The following ZBTB7C variants were observed in gnomAD, a reference collection of about 807,000 sequenced individuals.
ZBTB7C encodes zinc finger and BTB domain-containing protein 7C.
Under a neutral mutation model 25.7 loss-of-function variants are expected in ZBTB7C, and 8 were observed. The observed-to-expected ratio is 0.31, with a 90% confidence interval of 0.18 to 0.56. ZBTB7C has a LOEUF of 0.56. Among genes scored for constraint, ZBTB7C ranks in the 20% least tolerant of loss-of-function variants. The probability of loss-of-function intolerance (pLI) is 0.91; values close to 1 mark genes in which losing one functional copy is unlikely to be tolerated. For missense variants in ZBTB7C, 824 were observed against 855.2 expected (o/e 0.96, Z 0.46); for synonymous variants, 394 against 369.0 (o/e 1.07, Z -0.78).
chr18:48,267,947 C>T (rs1032759165), intron 2 of ZBTB7C, among the ~76,000 whole-genome samples: 9 of 152,158 alleles, frequency 5.9e-5, no homozygotes, highest in African/African-American at 2.2e-4. Flanking sequence ...GTGATAGCAG[C>T]CCAAATGGAC....
At chr18:48,213,114 T>C (rs1261979480) in intron 2 of ZBTB7C, among the ~76,000 whole-genome samples, 1 of 151,640 alleles carries the variant, frequency 6.6e-6, no homozygotes, top group South Asian at 2.1e-4. Flanking sequence ...GGAGCTCTCA[T>C]AGTGGGAGCA....
chr18:48,146,361 TAAATAAACTACTGAAACATTAATTA>T (rs2040497245), intron 3 of ZBTB7C, among the ~76,000 whole-genome samples: 1 of 152,248 alleles, frequency 6.6e-6, no homozygotes, highest in African/African-American at 2.4e-5. Context: ...AGACCATTTC[TAAATAAACTACTGAAACATTAATTA>T]CTAAGCTTAA....
At chr18:48,391,663 T>G (rs2047905851) in intron 1 of ZBTB7C, among the ~76,000 whole-genome samples, 1 of 152,220 alleles carries the variant, frequency 6.6e-6, no homozygotes, top group South Asian at 2.1e-4. Context: ...GTTTTCAAAC[T>G]TGAGAGTTTA....
chr18:48,255,982 AG>A lies in ZBTB7C; in HGVS notation c.-78-69988del, dbSNP rs1262592831. ...CACATAGAGAAAAAAGAATTGTAAA[AG>A]TGTACAGAGCAAAAGTGCACTGTGG... On this transcript the variant is annotated intron_variant, in intron 2 of 4. Transcript: ENST00000590800. 6.6e-5 allele frequency among the ~76,000 whole-genome samples: 10 copies of A among 152,304 alleles called. No homozygotes were observed. In the East Asian group the frequency reaches 1.9e-3, roughly 29 times the overall value.
At chr18:48,128,497 A>G (rs1240048189) in intron 3 of ZBTB7C, among the ~76,000 whole-genome samples, 1 of 152,278 alleles carries the variant, frequency 6.6e-6, no homozygotes, top group African/African-American at 2.4e-5. Context: ...AATGTGGCAT[A>G]CATACACCAT....
At chr18:48,321,065 C>CATAAATAT (rs1420357452) in intron 2 of ZBTB7C, among the ~76,000 whole-genome samples, 1 of 152,256 alleles carries the variant, frequency 6.6e-6, no homozygotes, top group Admixed American at 6.5e-5. Context: ...TAGAGAAATT[C>CATAAATAT]ATAAATTATT....
At chr18:48,398,303 T>C (rs1042266964) in intron 1 of ZBTB7C, among the ~76,000 whole-genome samples, 3 of 152,198 alleles carry the variant, frequency 2.0e-5, no homozygotes, top group African/African-American at 7.2e-5. Context: ...TGCGAAGGGA[T>C]TGGCCTGAGA....
intron 3 of ZBTB7C, chr18:48,149,953 G>A (rs765233355): frequency 2.4e-4 from 36 of 151,848 alleles, no homozygotes; most frequent in East Asian, 3.9e-4. Context: ...ACAGGCACGC[G>A]CCACCACACA....
At chr18:48,357,562 C>T (rs1358239301) in intron 1 of ZBTB7C, among the ~76,000 whole-genome samples, 1 of 152,230 alleles carries the variant, frequency 6.6e-6, no homozygotes, top group African/African-American at 2.4e-5. Context: ...CAGTGTAGGA[C>T]TCCTCAATTT....
rs142658761 is a variant in ZBTB7C, at chr18:48,320,511, A to C, written c.-79+17663T>G. Reference sequence around the variant, plus strand: ...AGGCTATTGTGCTAATCCAGGTGAGAGGTGACGGCTGCCAGCACCTGAGAG... The same window carrying C: ...AGGCTATTGTGCTAATCCAGGTGAGCGGTGACGGCTGCCAGCACCTGAGAG... On this transcript the variant is annotated intron_variant, in intron 2 of 4. Coordinates refer to ENST00000590800, the MANE Select transcript of ZBTB7C (RefSeq NM_001318841.2). 2.9e-3 allele frequency among the ~76,000 whole-genome samples: 447 copies of C among 152,256 alleles called. 2 individuals are homozygous for C. The highest frequency in any genetic ancestry group is 0.01 in the African/African-American group (430 of 41,558).
At position 48,292,666 on chromosome 18, in the gene ZBTB7C, G is replaced by A. The variant is rs879084619; in HGVS notation, c.-79+45508C>T. Among the ~76,000 whole-genome samples, 5 of 152,200 alleles carry A rather than the reference G, an allele frequency of 3.3e-5. 1 individual carries two copies. The highest frequency in any genetic ancestry group is 3.3e-4 in the Admixed American group (5 of 15,284). The stretch of plus-strand genomic sequence containing the variant: ...GGCAGAAACTGAAAACTGGATGAAA[G>A]ACTGAGGATCAAGCTTTAAACTGGG... On this transcript the variant is annotated intron_variant, in intron 2 of 4. Coordinates refer to ENST00000590800, the MANE Select transcript of ZBTB7C (RefSeq NM_001318841.2).
chr18:48,194,126 G>A (rs1303438211), intron 2 of ZBTB7C, among the ~76,000 whole-genome samples: 1 of 152,254 alleles, frequency 6.6e-6, no homozygotes, highest in African/African-American at 2.4e-5. Context: ...CAAGGAAGGG[G>A]AGGGCAGATG....
chr18:48,186,513 C>A (rs2042058406), intron 2 of ZBTB7C, among the ~76,000 whole-genome samples: 1 of 152,214 alleles, frequency 6.6e-6, no homozygotes, highest in South Asian at 2.1e-4. Flanking sequence ...CACAAACCAA[C>A]AAAGGCCAGA....
chr18:48,148,532 AAGCC>A (rs1425368508), intron 3 of ZBTB7C: 1 of 152,174 alleles, frequency 6.6e-6, no homozygotes. Flanking sequence ...CTTCTAGGGA[AAGCC>A]AGCCTGGTAC....
chr18:48,031,565 T>C (rs2035748710), intron 4 of ZBTB7C, among the ~76,000 whole-genome samples: 1 of 152,182 alleles, frequency 6.6e-6, no homozygotes, highest in Non-Finnish European at 1.5e-5. Flanking sequence ...GGCCAGTGGG[T>C]CTCAAACTTA....
intron 2 of ZBTB7C, among the ~76,000 whole-genome samples, chr18:48,240,359 C>G (rs2043491414): frequency 6.6e-6 from 1 of 152,100 alleles, no homozygotes; most frequent in African/African-American, 2.4e-5. Flanking sequence ...CCAGGCAATT[C>G]ATCACAAAAA....
chr18:48,313,593 G>A (rs1363072253), intron 2 of ZBTB7C, among the ~76,000 whole-genome samples: 1 of 152,212 alleles, frequency 6.6e-6, no homozygotes, highest in Admixed American at 6.5e-5. Context: ...CTGGGAGCTT[G>A]CTAGAAATGT....
At chr18:48,042,083 AAC>A (rs761504733) in intron 3 of ZBTB7C, among the ~76,000 whole-genome samples, 1 of 152,222 alleles carries the variant, frequency 6.6e-6, no homozygotes, top group Non-Finnish European at 1.5e-5. Flanking sequence ...AGCCCAGGTG[AAC>A]ACAGTCAACT....
intron 3 of ZBTB7C, among the ~76,000 whole-genome samples, chr18:48,130,489 C>T (rs188306927): frequency 8.5e-5 from 13 of 152,144 alleles, no homozygotes; most frequent in African/African-American, 3.1e-4. Flanking sequence ...CCTTGAAGAG[C>T]GTGACTGTCT....
Sources: gnomAD v4.1 joint callset for allele counts (sites outside exome capture counted in the v4.1 genomes callset) on GRCh38, gnomAD v4.1.1 for gene constraint, MANE v1.5 for transcripts, NCBI Gene and HGNC (gene_info 2026-07-23, HGNC 2026-07-21) for gene names.